The following UNKL variants were observed in gnomAD, a reference collection of about 807,000 sequenced individuals.
The protein encoded by UNKL is putative E3 ubiquitin-protein ligase UNKL.
A neutral mutation model predicts 78.0 loss-of-function variants in UNKL; 60 were observed. The observed-to-expected ratio is 0.77, with a 90% CI of 0.63 to 0.95. The LOEUF (loss-of-function observed/expected upper bound fraction) is 0.95. UNKL is among the 40% of genes least tolerant of loss of function. The pLI is 0.00. For synonymous variants in UNKL, 608 were observed against 474.8 expected (o/e 1.28, Z -3.65); for missense variants, 1,159 against 1,045.7 (o/e 1.11, Z -1.49).
intron 10 of UNKL, among the ~76,000 whole-genome samples, chr16:1,377,918 T>C (rs1329138478): frequency 6.6e-6 from 1 of 152,162 alleles, no homozygotes; most frequent in Non-Finnish European, 1.5e-5. Flanking sequence ...CTTCATGCAT[T>C]GCAATAGTAA....
chr16:1,413,102 A>G (rs2038114305), intron 2 of UNKL, among the ~76,000 whole-genome samples: 1 of 152,024 alleles, frequency 6.6e-6, no homozygotes, highest in Non-Finnish European at 1.5e-5. Flanking sequence ...ATGCAAAATT[A>G]GCTGGCATGG....
chr16:1,366,947 G>T (rs1322836519), intron 14 of UNKL, 145 bp downstream of exon 14: 4 of 1,375,634 alleles, frequency 2.9e-6, no homozygotes, highest in Middle Eastern at 2.7e-4. Flanking sequence ...TGCTGGGGTG[G>T]GGCACCGTCT....
chr16:1,368,831 G>A lies in UNKL; in HGVS notation c.1586-973C>T, dbSNP rs566330361. 2.6e-5 allele frequency among the ~76,000 whole-genome samples: 4 copies of A among 152,156 alleles called. No individual in the cohort carries two copies. The South Asian group carries it at 8.3e-4, about 32-fold the overall frequency. On this transcript the variant is annotated intron_variant, in intron 12 of 14. Coordinates refer to ENST00000389221, the MANE Select transcript of UNKL (RefSeq NM_001372107.1). ...CATGACAATCATTTTAACCCGGAAG[G>A]CAGAGGCTGCAGTGAGCCAAGATTG...
chr16:1,374,556 C>T (rs1422028505), intron 10 of UNKL, among the ~76,000 whole-genome samples: 2 of 152,216 alleles, frequency 1.3e-5, no homozygotes, highest in African/African-American at 2.4e-5. Context: ...TGGCCAGCCC[C>T]TGCCTGGTGC....
At chr16:1,397,484 G>A (rs1481616399) in intron 5 of UNKL, among the ~76,000 whole-genome samples, 189 bp from the exon 6 acceptor site, 2 of 87,236 alleles carry the variant, frequency 2.3e-5, no homozygotes, top group African/African-American at 4.3e-5. Flanking sequence ...GGATGAGGAG[G>A]TGTCAGGAGG....
At chr16:1,384,977 C>T (rs1378603490) in intron 10 of UNKL, among the ~76,000 whole-genome samples, 1 of 152,196 alleles carries the variant, frequency 6.6e-6, no homozygotes, top group East Asian at 1.9e-4. Context: ...GGAGGCTCCT[C>T]GTCCCCAGCG....
chr16:1,392,313 C>G (rs1185844079), intron 8 of UNKL, among the ~76,000 whole-genome samples: 1 of 152,134 alleles, frequency 6.6e-6, no homozygotes, highest in East Asian at 1.9e-4. Flanking sequence ...GTCCTCTCCC[C>G]TCTCCACACC....
intron 13 of UNKL, 27 bp from the exon 14 acceptor site, chr16:1,367,376 C>T (rs1488243119): frequency 6.6e-7 from 1 of 1,520,908 alleles, no homozygotes; most frequent in South Asian, 1.2e-5. Context: ...GTCTCAGCAC[C>T]CCCCACCTCA....
chr16:1,385,225 GTGC>G lies in UNKL; in HGVS notation c.1244_1246del (p.Ser415del). ...GGACTTACCGAGGACGGCCTCCACA[GTGC>G]TGCTGGCGGGGCCGAGCGGGAGGGC... On this transcript the variant is annotated inframe_deletion, in exon 10 of 15. Transcript: ENST00000389221. The G allele has an allele frequency of 1.5e-6, 2 of 1,297,306 alleles. No homozygotes were observed. Among genetic ancestry groups the G allele is most frequent in the Non-Finnish European group, 2.0e-6 (2 of 1,024,296 alleles). The allele number at this position is 1,297,306 out of a possible 1,614,324, so 80.4% of individuals were successfully genotyped here.
intron 10 of UNKL, among the ~76,000 whole-genome samples, chr16:1,376,708 C>CG (rs1342746537): frequency 1.3e-5 from 2 of 151,542 alleles, no homozygotes; most frequent in Admixed American, 6.6e-5. Context: ...ATTCCAAGAC[C>CG]CCCCCATGGA....
intron 1 of UNKL, 102 bp from the exon 2 acceptor site, chr16:1,414,157 G>T: frequency 8.3e-7 from 1 of 1,203,994 alleles, no homozygotes; most frequent in Non-Finnish European, 1.1e-6. Context: ...TCAACCCAGG[G>T]TCGACCCGTA....
At position 1,382,454 on chromosome 16, in the gene UNKL, C is replaced by T. The variant is rs1428043978; in HGVS notation, c.1264+2754G>A. ...ACGCAAACACTGCTTGCGCCTGTGC[C>T]CCTGCCCCCGCCCCGACCAAGCCCC... On this transcript the variant is annotated intron_variant, in intron 10 of 14. Transcript: ENST00000389221. Among the ~76,000 whole-genome samples, 5 of 152,294 alleles carry T rather than the reference C, an allele frequency of 3.3e-5. No individual in the cohort carries two copies. The East Asian group carries it at 9.7e-4, about 29-fold the overall frequency.
chr16:1,369,892 T>C, intron 12 of UNKL: 1 of 1,506,198 alleles, frequency 6.6e-7, no homozygotes, highest in Non-Finnish European at 8.9e-7. Flanking sequence ...GGAGAATTGC[T>C]TGAACCTGGG....
chr16:1,383,707 G>A, intron 10 of UNKL: 1 of 401,836 alleles, frequency 2.5e-6, no homozygotes, highest in Non-Finnish European at 5.2e-6. Context: ...CGGCTCTCGG[G>A]CAAGAGTCAT....
At chr16:1,375,325 G>A (rs2036135305) in intron 10 of UNKL, among the ~76,000 whole-genome samples, 1 of 152,198 alleles carries the variant, frequency 6.6e-6, no homozygotes, top group South Asian at 2.1e-4. Flanking sequence ...GAGAAGCCTG[G>A]CTCGGGAGTG....
At chr16:1,366,578 G>T (rs1021922031) in intron 14 of UNKL, among the ~76,000 whole-genome samples, 183 bp from the exon 15 acceptor site, 2 of 152,058 alleles carry the variant, frequency 1.3e-5, no homozygotes, top group Admixed American at 6.5e-5. Flanking sequence ...GCGGGGTCAG[G>T]GGGTATGCTC....
chr16:1,365,239 C>T lies in UNKL; in HGVS notation c.*1001G>A, dbSNP rs933119603. 3.9e-5 allele frequency: 6 copies of T among 152,144 alleles called. No homozygotes were observed. Among genetic ancestry groups the T allele is most frequent in the Non-Finnish European group, 5.9e-5 (4 of 68,034 alleles). 9.4% of individuals were successfully genotyped at this position (152,144 alleles called of 1,614,324 possible). On this transcript the variant is annotated 3_prime_UTR_variant, in exon 15 of 15. Transcript: ENST00000389221. ...AACTCCTGACCTTAGGTGATCCACC[C>T]GCCTCCCAAAGTGCTGGGATCACAG... is the stretch of plus-strand genomic sequence containing the variant.
chr16:1,395,586 A>G lies in UNKL; in HGVS notation c.853-1371T>C, dbSNP rs968965297. On this transcript the variant is annotated intron_variant, in intron 6 of 14. Coordinates refer to ENST00000389221, the MANE Select transcript of UNKL (RefSeq NM_001372107.1). ...CTAGTGGAGGCACAGGCCTGGCTCC[A>G]TCTCAGGCTGCCCCTTCCGCCCCAG... The G allele has an allele frequency of 7.0e-6, 3 of 429,970 alleles. No homozygotes were observed. The Admixed American group carries it at 7.2e-5, about 10-fold the overall frequency. The allele number at this position is 429,970 out of a possible 1,614,324, so 26.6% of individuals were successfully genotyped here.
chr16:1,390,601 C>T (rs1446596897), intron 9 of UNKL, 31 bp downstream of exon 9: 28 of 1,535,332 alleles, frequency 1.8e-5, no homozygotes, highest in Non-Finnish European at 2.4e-5. Context: ...CGACATCAGG[C>T]ACGAGGGTGG....
Sources: allele counts gnomAD v4.1 joint callset (sites outside exome capture counted in the v4.1 genomes callset), GRCh38; gene constraint gnomAD v4.1.1; transcripts MANE v1.5; gene names NCBI Gene and HGNC (gene_info 2026-07-23, HGNC 2026-07-21).